MAF: variants seen among roughly 807,000 people sequenced by gnomAD.
The protein encoded by MAF is MAF bZIP transcription factor.
A neutral mutation model predicts 22.0 loss-of-function variants in MAF; 10 were observed. That is an observed-to-expected ratio of 0.45 (90% CI 0.28 to 0.77). The LOEUF (loss-of-function observed/expected upper bound fraction) is 0.77. Ranked by LOEUF, MAF falls within the 30% of genes least tolerant of loss-of-function variation. MAF has a pLI of 0.12. For missense variants in MAF, 544 were observed against 548.4 expected (o/e 0.99, Z 0.08); for synonymous variants, 337 against 255.8 (o/e 1.32, Z -3.03).
chr16:79,371,815 G>C, the MAF span, among the ~76,000 whole-genome samples: 1 of 152,244 alleles, frequency 6.6e-6, no homozygotes, highest in Non-Finnish European at 1.5e-5. Flanking sequence ...TTTAGAGATT[G>C]AAAGAATCAG....
the MAF span, among the ~76,000 whole-genome samples, chr16:79,266,646 C>G: frequency 1.3e-5 from 2 of 152,202 alleles, no homozygotes; most frequent in Non-Finnish European, 2.9e-5. Flanking sequence ...AGCTTCCAAG[C>G]TTCAACCAGC....
the MAF span, among the ~76,000 whole-genome samples, chr16:79,275,420 A>G: frequency 6.6e-6 from 1 of 152,228 alleles, no homozygotes; most frequent in Non-Finnish European, 1.5e-5. Flanking sequence ...CCTGTTGTTC[A>G]TTATTCATTG....
the MAF span, among the ~76,000 whole-genome samples, chr16:79,429,527 G>T: frequency 6.6e-6 from 1 of 152,190 alleles, no homozygotes; most frequent in Non-Finnish European, 1.5e-5. Context: ...TCCAAAGGAA[G>T]CAGCAGAGAG....
downstream of MAF, among the ~76,000 whole-genome samples, chr16:79,584,547 C>A (rs138538535): frequency 4.6e-5 from 7 of 152,236 alleles, no homozygotes; most frequent in East Asian, 1.4e-3. Flanking sequence ...GTGAACCTTG[C>A]CTTTCAAGTT....
the MAF span, among the ~76,000 whole-genome samples, chr16:79,533,222 G>A: frequency 1.3e-5 from 2 of 152,096 alleles, no homozygotes; most frequent in African/African-American, 4.8e-5. Flanking sequence ...CATAAGAGTT[G>A]CTCATATTTT....
At chr16:79,390,900 C>T in the MAF span, among the ~76,000 whole-genome samples, 1 of 152,156 alleles carries the variant, frequency 6.6e-6, no homozygotes. Flanking sequence ...CTTTCAAAGG[C>T]CATCTGCTTT....
chr16:79,525,614 G>A, the MAF span, among the ~76,000 whole-genome samples: 11 of 152,200 alleles, frequency 7.2e-5, no homozygotes, highest in Middle Eastern at 3.4e-3. Context: ...TGTACGCTGC[G>A]TACTTTTTAT....
At chr16:79,450,096 TGA>T in the MAF span, among the ~76,000 whole-genome samples, 1 of 152,378 alleles carries the variant, frequency 6.6e-6, no homozygotes, top group African/African-American at 2.4e-5. Context: ...CAATCAATGC[TGA>T]GAGTGTAACT....
At chr16:79,464,480 C>A in the MAF span, among the ~76,000 whole-genome samples, 3 of 152,172 alleles carry the variant, frequency 2.0e-5, no homozygotes, top group Non-Finnish European at 4.4e-5. Context: ...AAGTCAACAC[C>A]TTGAATGATT....
the MAF span, chr16:79,212,030 G>C: frequency 2.6e-6 from 4 of 1,536,222 alleles, no homozygotes; most frequent in South Asian, 2.4e-5. Flanking sequence ...TTGCTTTCTG[G>C]TGGTGGCCTG....
At chr16:79,465,386 A>C in the MAF span, among the ~76,000 whole-genome samples, 13 of 152,196 alleles carry the variant, frequency 8.5e-5, no homozygotes, top group South Asian at 6.2e-4. Flanking sequence ...TGAGCCCAGG[A>C]GTTTGAGACA....
chr16:79,512,999 C>A, the MAF span, among the ~76,000 whole-genome samples: 1 of 152,254 alleles, frequency 6.6e-6, no homozygotes. Flanking sequence ...CATGTGACCA[C>A]AGAGCTAGGT....
the MAF span, among the ~76,000 whole-genome samples, chr16:79,510,151 G>C: frequency 6.6e-6 from 1 of 152,198 alleles, no homozygotes; most frequent in African/African-American, 2.4e-5. Flanking sequence ...TACAACAACT[G>C]TGTTTATCCC....
At chr16:79,452,205 C>T in the MAF span, among the ~76,000 whole-genome samples, 1 of 152,128 alleles carries the variant, frequency 6.6e-6, no homozygotes, top group Non-Finnish European at 1.5e-5. Flanking sequence ...TGACCCCTGA[C>T]AGAGTAGATA....
chr16:79,567,429 A>C, the MAF span, among the ~76,000 whole-genome samples: 1 of 152,358 alleles, frequency 6.6e-6, no homozygotes, highest in South Asian at 2.1e-4. Flanking sequence ...CATACTGTCA[A>C]ATCAACTGAG....
the MAF span, chr16:79,212,194 C>A: frequency 1.4e-6 from 2 of 1,462,366 alleles, no homozygotes; most frequent in Non-Finnish European, 1.8e-6. Flanking sequence ...GGCTGGCCTT[C>A]TCCTACTTAG....
the MAF span, among the ~76,000 whole-genome samples, chr16:79,370,234 A>C: frequency 6.6e-6 from 1 of 152,214 alleles, no homozygotes; most frequent in Non-Finnish European, 1.5e-5. Flanking sequence ...TGACATTCAA[A>C]GGTAATTGGT....
At chr16:79,336,123 T>C in the MAF span, among the ~76,000 whole-genome samples, 1 of 152,340 alleles carries the variant, frequency 6.6e-6, no homozygotes, top group East Asian at 1.9e-4. Context: ...TCCAAGGTCA[T>C]GAGCAGTGTA....
At chr16:79,210,692 G>C in the MAF span, among the ~76,000 whole-genome samples, 1 of 152,142 alleles carries the variant, frequency 6.6e-6, no homozygotes, top group Non-Finnish European at 1.5e-5. Flanking sequence ...GTCTCCCTCT[G>C]AACAGCAGCC....
Sources: gnomAD v4.1 joint callset for allele counts (sites outside exome capture counted in the v4.1 genomes callset) on GRCh38, gnomAD v4.1.1 for gene constraint, MANE v1.5 for transcripts, NCBI Gene and HGNC (gene_info 2026-07-23, HGNC 2026-07-21) for gene names.